Variants in ZNF577 observed in about 807,000 individuals in gnomAD.
ZNF577 encodes zinc finger protein 577.
ZNF577 carries 14 observed loss-of-function variants against 13.9 expected under a neutral mutation model. The ratio of observed to expected loss-of-function variants is 1.00; its 90% CI spans 0.66 to 1.57. The LOEUF is 1.57. Ranked by LOEUF, ZNF577 falls within the 40% of genes most tolerant of loss-of-function variation. ZNF577 has a pLI of 0.00. For missense variants in ZNF577, 555 were observed against 579.2 expected (o/e 0.96, Z 0.43); for synonymous variants, 203 against 202.9 (o/e 1.00, Z 0.00).
At chr19:51,866,140 G>A (rs1271370897), downstream of ZNF577, among the ~76,000 whole-genome samples, 2 of 151,718 alleles carry the variant, frequency 1.3e-5, no homozygotes, top group Non-Finnish European at 2.9e-5. Context: ...AAAGATATCT[G>A]GTTTGGTAGC....
chr19:51,867,196 G>A lies in ZNF577; in HGVS notation c.*5336C>T, dbSNP rs868772831. Reference sequence around the variant, plus strand: ...TTAAATTTTTAAATTACAAATGTATGTATTTCCATTTAATAGTTATTTGTC... The same window carrying A: ...TTAAATTTTTAAATTACAAATGTATATATTTCCATTTAATAGTTATTTGTC... On this transcript the variant is annotated 3_prime_UTR_variant, in exon 6 of 6. Coordinates refer to ENST00000638348, the MANE Select transcript of ZNF577 (RefSeq NM_001370449.1). Among the ~76,000 whole-genome samples the A allele has an allele frequency of 9.2e-5, 14 of 152,050 alleles. No homozygotes were observed. Among genetic ancestry groups the A allele is most frequent in the Admixed American group, 7.9e-4 (12 of 15,270 alleles).
At chr19:51,855,256 T>C (rs2084405968) in intron 5 of ZNF577, among the ~76,000 whole-genome samples, 1 of 152,184 alleles carries the variant, frequency 6.6e-6, no homozygotes, top group South Asian at 2.1e-4. Flanking sequence ...TGGAGTAATT[T>C]ATGTATTCCC....
intron 9 of ZNF577, among the ~76,000 whole-genome samples, chr19:51,832,517 G>A (rs1403494500): frequency 1.3e-5 from 2 of 151,856 alleles, no homozygotes; most frequent in Admixed American, 1.3e-4. Context: ...CACCATGCCT[G>A]GCTAATCAAC....
rs566858517 is a variant in ZNF577, at chr19:51,874,907, T to C, written c.284-1201A>G. On this transcript the variant is annotated intron_variant, in intron 5 of 5. Transcript: ENST00000638348. ...ATGTTCCCAGCAGAAAAGCGAAGAATTGAGGATAACTGCTCAGTATGTGGC... is the reference window on the plus strand; with the variant it reads ...ATGTTCCCAGCAGAAAAGCGAAGAACTGAGGATAACTGCTCAGTATGTGGC... Among the ~76,000 whole-genome samples, 7 of 152,244 alleles carry C rather than the reference T, an allele frequency of 4.6e-5. No individual in the cohort carries two copies. In the East Asian group the frequency reaches 1.2e-3, roughly 25 times the overall value.
chr19:51,838,231 A>C (rs193111296), intron 9 of ZNF577, among the ~76,000 whole-genome samples: 2 of 152,340 alleles, frequency 1.3e-5, no homozygotes, highest in African/African-American at 4.8e-5. Flanking sequence ...ATCCACATAT[A>C]AGTGCATATT....
At chr19:51,853,825 G>A (rs1453529520) in intron 5 of ZNF577, among the ~76,000 whole-genome samples, 1 of 152,192 alleles carries the variant, frequency 6.6e-6, no homozygotes, top group East Asian at 1.9e-4. Flanking sequence ...TCGTGAAGGT[G>A]TTGTGCTTTG....
At chr19:51,866,127 A>T (rs2084561039), downstream of ZNF577, among the ~76,000 whole-genome samples, 1 of 151,788 alleles carries the variant, frequency 6.6e-6, no homozygotes, top group South Asian at 2.1e-4. Flanking sequence ...AAAAAAAAAA[A>T]TTAAAGATAT....
chr19:51,862,477 G>C (rs867734178), downstream of ZNF577: 14 of 161,376 alleles, frequency 8.7e-5, 1 homozygote, highest in Middle Eastern at 7.9e-3. Context: ...ATCCAAGCAA[G>C]CATATGGTTT....
chr19:51,854,491 G>C lies in ZNF577; in HGVS notation c.284-9560C>G, dbSNP rs1279319662. 5.5e-5 allele frequency among the ~76,000 whole-genome samples: 6 copies of C among 108,228 alleles called. No individual in the cohort carries two copies. In the East Asian group the frequency reaches 1.5e-3, roughly 27 times the overall value. 71.0% of individuals were successfully genotyped at this position (108,228 alleles called of 152,430 possible). On this transcript the variant is annotated intron_variant and NMD_transcript_variant, in intron 5 of 10. Coordinates refer to the ZNF577 transcript ENST00000638827. ...CTACAGGAATGCACCACCATGCCCA[G>C]CTAAATTTTTTTTTTTTTTTTTTTT... is the stretch of plus-strand genomic sequence containing the variant.
chr19:51,886,260 A>C (rs2084944767), intron 1 of ZNF577: 1 of 152,106 alleles, frequency 6.6e-6, no homozygotes, highest in South Asian at 2.1e-4. Flanking sequence ...AAATTTTTTA[A>C]CTTTCTACTA....
chr19:51,847,384 T>C (rs2084358272), intron 5 of ZNF577, among the ~76,000 whole-genome samples: 1 of 152,082 alleles, frequency 6.6e-6, no homozygotes, highest in Non-Finnish European at 1.5e-5. Context: ...CACCCAAGCA[T>C]CTTGCTGTTG....
downstream of ZNF577, among the ~76,000 whole-genome samples, chr19:51,865,774 C>G (rs1418589496): frequency 1.3e-5 from 2 of 152,098 alleles, no homozygotes; most frequent in African/African-American, 4.8e-5. Context: ...TCTCACTCAC[C>G]TGAAATGCAC....
chr19:51,848,073 C>T (rs1002697775), intron 5 of ZNF577, among the ~76,000 whole-genome samples: 1 of 152,170 alleles, frequency 6.6e-6, no homozygotes, highest in Non-Finnish European at 1.5e-5. Flanking sequence ...TCTAGGCGAC[C>T]GGATTCCGCT....
rs2084446953 is a variant in ZNF577, at chr19:51,857,429, AAGAAAAAAC to A, written c.284-12507_284-12499del. 3.3e-5 allele frequency among the ~76,000 whole-genome samples: 5 copies of A among 150,972 alleles called. No individual in the cohort carries two copies. The South Asian group carries it at 1.1e-3, about 32-fold the overall frequency. ...AAGAAAGAAAGAAAGAAAGAAAGAA[AAGAAAAAAC>A]AAAGAAAGGAAGGAGAAGAAATGTG... is the stretch of plus-strand genomic sequence containing the variant. On this transcript the variant is annotated intron_variant and NMD_transcript_variant, in intron 5 of 10. Transcript: ENST00000638827.
rs1434787303 is a variant in ZNF577, at chr19:51,824,850, C to A, written c.*600-13176G>T. The stretch of plus-strand genomic sequence containing the variant: ...TTGGGCTCTGTCTCTTTCTACCCTG[C>A]GTTAAGCGGAAAAAAAAAATTCTGA... On this transcript the variant is annotated intron_variant and NMD_transcript_variant, in intron 9 of 10. Transcript: ENST00000638827. This position sits in a 1 kb window ranked among gnomAD's most constrained non-coding sequence, Gnocchi z 4.7. The A allele has an allele frequency of 1.3e-6, 2 of 1,483,132 alleles. No individual in the cohort carries two copies. Among genetic ancestry groups the A allele is most frequent in the Non-Finnish European group, 1.8e-6 (2 of 1,104,614 alleles). The allele number at this position is 1,483,132 out of a possible 1,614,324, so 91.9% of individuals were successfully genotyped here.
chr19:51,837,371 T>C (rs2122532377), intron 9 of ZNF577, among the ~76,000 whole-genome samples: 1 of 152,338 alleles, frequency 6.6e-6, no homozygotes, highest in South Asian at 2.1e-4. Context: ...GATTGGTTGC[T>C]TCAGGTGAGC....
chr19:51,839,890 C>G (rs943308968), intron 9 of ZNF577: 18 of 152,268 alleles, frequency 1.2e-4, no homozygotes, highest in African/African-American at 4.3e-4. Flanking sequence ...CTGGGAAACT[C>G]ACCCTACAGC....
At chr19:51,879,719 T>C (rs1813913006) in intron 3 of ZNF577, among the ~76,000 whole-genome samples, 1 of 152,194 alleles carries the variant, frequency 6.6e-6, no homozygotes, top group Non-Finnish European at 1.5e-5. Flanking sequence ...TGAACACTTA[T>C]TTAGTATCCT....
chr19:51,824,740 C>T lies in ZNF577; in HGVS notation c.*600-13066G>A. 1 of 1,614,074 alleles carries T rather than the reference C, an allele frequency of 6.2e-7. No individual in the cohort carries two copies. Among genetic ancestry groups the T allele is most frequent in the Non-Finnish European group, 8.5e-7 (1 of 1,179,988 alleles). On this transcript the variant is annotated intron_variant and NMD_transcript_variant, in intron 9 of 10. Transcript: ENST00000638827. The surrounding 1 kb of genome is among the most constrained non-coding windows in gnomAD (Gnocchi z 4.7). The stretch of plus-strand genomic sequence containing the variant: ...AGGGCCCTGACTGAGGTCCCTGACT[C>T]AGCCCAGACCAGCAACACAGACACC...
Sources: allele counts gnomAD v4.1 joint callset (sites outside exome capture counted in the v4.1 genomes callset), GRCh38; gene constraint gnomAD v4.1.1; non-coding constraint Gnocchi (gnomAD v3.1); transcripts MANE v1.5; gene names NCBI Gene and HGNC (gene_info 2026-07-23, HGNC 2026-07-21).